The following NKAIN3 variants were observed in gnomAD, a reference collection of about 807,000 sequenced individuals.
NKAIN3 encodes sodium/potassium-transporting ATPase subunit beta-1-interacting protein 3.
Under a neutral mutation model 30.2 loss-of-function variants are expected in NKAIN3, and 25 were observed. That is an observed-to-expected ratio of 0.83 (90% CI 0.60 to 1.16). The LOEUF (loss-of-function observed/expected upper bound fraction) is 1.16. Ranked by LOEUF, NKAIN3 falls within the 50% of genes most tolerant of loss-of-function variation. NKAIN3 has a pLI of 0.00. For synonymous variants in NKAIN3, 91 were observed against 89.6 expected (o/e 1.02, Z -0.09); for missense variants, 225 against 254.1 (o/e 0.89, Z 0.78).
At chr8:62,601,637 G>T (rs1190411741) in intron 3 of NKAIN3, among the ~76,000 whole-genome samples, 1 of 151,990 alleles carries the variant, frequency 6.6e-6, no homozygotes, top group Non-Finnish European at 1.5e-5. Context: ...TGGTGGTAGT[G>T]GCTGTGAGTA....
intron 1 of NKAIN3, among the ~76,000 whole-genome samples, chr8:62,477,103 C>T (rs1315621626): frequency 6.6e-6 from 1 of 152,134 alleles, no homozygotes; most frequent in African/African-American, 2.4e-5. Flanking sequence ...GGAAATGTTC[C>T]TGCAGAGAGA....
chr8:62,814,750 A>G (rs1246952470), intron 4 of NKAIN3, among the ~76,000 whole-genome samples: 3 of 152,128 alleles, frequency 2.0e-5, no homozygotes, highest in Non-Finnish European at 2.9e-5. Flanking sequence ...AGGGAAATTT[A>G]TAGCACTAAA....
intron 1 of NKAIN3, among the ~76,000 whole-genome samples, chr8:62,514,936 A>G (rs542420507): frequency 6.6e-6 from 1 of 152,222 alleles, no homozygotes; most frequent in Non-Finnish European, 1.5e-5. Context: ...AGTATCTATA[A>G]TGATATATGA....
chr8:62,869,492 GAAAAT>G (rs1820525299), intron 4 of NKAIN3, among the ~76,000 whole-genome samples: 1 of 152,200 alleles, frequency 6.6e-6, no homozygotes, highest in Admixed American at 6.5e-5. Flanking sequence ...TAGAAGAAAA[GAAAAT>G]TGTTTTATGG....
intron 1 of NKAIN3, among the ~76,000 whole-genome samples, chr8:62,451,061 A>G (rs1366417065): frequency 6.6e-6 from 1 of 152,162 alleles, no homozygotes; most frequent in Non-Finnish European, 1.5e-5. Context: ...GAATAGATCT[A>G]TAATTATCTT....
Position 62,626,079 on chromosome 8 carries a change from C to A in NKAIN3, c.273+36285C>A, listed in dbSNP as rs549167539. 2.6e-5 allele frequency among the ~76,000 whole-genome samples: 4 copies of A among 152,130 alleles called. No individual in the cohort carries two copies. The South Asian group carries it at 8.3e-4, about 32-fold the overall frequency. On this transcript the variant is annotated intron_variant, in intron 3 of 6. Coordinates refer to ENST00000623646, the MANE Select transcript of NKAIN3 (RefSeq NM_001304533.3). Reference sequence around the variant, plus strand: ...AGAGGCTAGTGTTTGAGTTCTCTTGCCTCTGAGACATTTCTTGTTCATTAA... The same window carrying A: ...AGAGGCTAGTGTTTGAGTTCTCTTGACTCTGAGACATTTCTTGTTCATTAA...
intron 1 of NKAIN3, among the ~76,000 whole-genome samples, chr8:62,319,127 G>GT (rs1400162717): frequency 4.6e-5 from 7 of 152,184 alleles, no homozygotes; most frequent in South Asian, 2.1e-4. Flanking sequence ...GTGTAGAGAT[G>GT]TTTATAGTAT....
intron 1 of NKAIN3, among the ~76,000 whole-genome samples, chr8:62,331,145 A>T (rs1224521034): frequency 1.2e-5 from 1 of 85,282 alleles, no homozygotes; most frequent in Non-Finnish European, 2.3e-5. Flanking sequence ...CTCCTCTTCC[A>T]CCCCCTCTTC....
intron 1 of NKAIN3, among the ~76,000 whole-genome samples, chr8:62,514,302 C>T (rs1055124570): frequency 6.6e-6 from 1 of 151,884 alleles, no homozygotes; most frequent in African/African-American, 2.4e-5. Flanking sequence ...GCCACTAATT[C>T]TGATTCTCTG....
At chr8:62,657,938 A>G (rs1812811968) in intron 3 of NKAIN3, among the ~76,000 whole-genome samples, 1 of 152,318 alleles carries the variant, frequency 6.6e-6, no homozygotes, top group East Asian at 1.9e-4. Flanking sequence ...AGCTCTGTAA[A>G]CATCCAAATA....
chr8:62,545,050 G>A (rs1808963994), intron 1 of NKAIN3, among the ~76,000 whole-genome samples: 1 of 152,032 alleles, frequency 6.6e-6, no homozygotes, highest in South Asian at 2.1e-4. Flanking sequence ...AGGAGGAGTT[G>A]GTCTGGCTGT....
intron 3 of NKAIN3, among the ~76,000 whole-genome samples, chr8:62,604,351 T>A (rs1267955578): frequency 3.3e-5 from 5 of 152,132 alleles, no homozygotes; most frequent in African/African-American, 1.2e-4. Context: ...GATTCAGGAA[T>A]AACAGTAGGA....
intron 1 of NKAIN3, among the ~76,000 whole-genome samples, chr8:62,425,771 A>C (rs1051478607): frequency 1.3e-5 from 2 of 151,968 alleles, no homozygotes; most frequent in African/African-American, 4.8e-5. Context: ...CTTTCTTCAA[A>C]ATACAAGCGT....
chr8:62,417,442 G>A (rs1229986987), intron 1 of NKAIN3, among the ~76,000 whole-genome samples: 1 of 152,126 alleles, frequency 6.6e-6, no homozygotes, highest in Non-Finnish European at 1.5e-5. Flanking sequence ...TTGGAGTGTA[G>A]ATATCTCTTC....
At chr8:62,900,187 T>C (rs530374032) in intron 4 of NKAIN3, among the ~76,000 whole-genome samples, 3 of 152,292 alleles carry the variant, frequency 2.0e-5, no homozygotes, top group African/African-American at 7.2e-5. Context: ...CTCTAGATTA[T>C]TAGACACAAG....
chr8:62,360,476 C>A (rs1241617647), intron 1 of NKAIN3, among the ~76,000 whole-genome samples: 1 of 152,126 alleles, frequency 6.6e-6, no homozygotes, highest in East Asian at 1.9e-4. Context: ...AAGTAGCTAA[C>A]ATGTTTAGAA....
intron 2 of NKAIN3, among the ~76,000 whole-genome samples, chr8:62,580,015 C>A (rs959810465): frequency 2.0e-5 from 3 of 152,156 alleles, no homozygotes; most frequent in Non-Finnish European, 4.4e-5. Flanking sequence ...ATGCAATGTA[C>A]ATTAACCATT....
At chr8:62,800,046 G>A (rs749617834) in intron 4 of NKAIN3, among the ~76,000 whole-genome samples, 24 of 152,184 alleles carry the variant, frequency 1.6e-4, no homozygotes, top group Middle Eastern at 3.4e-3. Flanking sequence ...TGGGGACTTG[G>A]GGGAAAGACT....
chr8:62,363,707 C>T (rs1816635314), intron 1 of NKAIN3, among the ~76,000 whole-genome samples: 6 of 152,104 alleles, frequency 3.9e-5, no homozygotes, highest in Admixed American at 3.9e-4. Flanking sequence ...CTTGGAGTGA[C>T]TAAACAAAAA....
Sources: allele counts gnomAD v4.1 joint callset (sites outside exome capture counted in the v4.1 genomes callset), GRCh38; gene constraint gnomAD v4.1.1; transcripts MANE v1.5; gene names NCBI Gene and HGNC (gene_info 2026-07-23, HGNC 2026-07-21).